Variants in SRGAP3 observed in about 807,000 individuals in gnomAD.
SRGAP3 encodes SLIT-ROBO Rho GTPase-activating protein 3.
A neutral mutation model predicts 121.1 loss-of-function variants in SRGAP3; 39 were observed. The ratio of observed to expected loss-of-function variants is 0.32; its 90% CI spans 0.25 to 0.42. The LOEUF (loss-of-function observed/expected upper bound fraction) is 0.42, where lower values mean the gene tolerates loss of function less well. Among genes scored for constraint, SRGAP3 ranks in the 10% least tolerant of loss-of-function variants. SRGAP3 has a pLI of 1.00. For synonymous variants in SRGAP3, 601 were observed against 570.0 expected (o/e 1.05, Z -0.77); for missense variants, 1,213 against 1,470.6 (o/e 0.82, Z 2.86).
At chr3:9,067,060 G>A (rs949519364) in intron 4 of SRGAP3, among the ~76,000 whole-genome samples, 4 of 152,106 alleles carry the variant, frequency 2.6e-5, no homozygotes, top group African/African-American at 9.7e-5. Context: ...AGCACTAAAT[G>A]AGTTAATTTC....
upstream of SRGAP3, among the ~76,000 whole-genome samples, chr3:9,250,123 G>A: frequency 6.6e-6 from 1 of 152,206 alleles, no homozygotes. Context: ...GAACAGCTGG[G>A]TGGGTCATTG....
At chr3:8,986,155 C>A (rs1210829272) in intron 21 of SRGAP3, among the ~76,000 whole-genome samples, 1 of 152,114 alleles carries the variant, frequency 6.6e-6, no homozygotes, top group Non-Finnish European at 1.5e-5. Flanking sequence ...GCAGGTCAGA[C>A]TACTGATAAA....
At chr3:9,264,652 T>C (rs1954319192) in intron 3 of SRGAP3, among the ~76,000 whole-genome samples, 1 of 152,060 alleles carries the variant, frequency 6.6e-6, no homozygotes, top group Non-Finnish European at 1.5e-5. Flanking sequence ...TACCTAAAAA[T>C]ACAACTTACG....
chr3:9,146,205 C>A (rs1408543249), intron 1 of SRGAP3, among the ~76,000 whole-genome samples: 2 of 152,232 alleles, frequency 1.3e-5, no homozygotes, highest in Non-Finnish European at 2.9e-5. Flanking sequence ...CACGTGTTGA[C>A]TGACAAATCC....
At chr3:9,348,854 C>T (rs182356355) in intron 1 of SRGAP3, 19 of 1,309,754 alleles carry the variant, frequency 1.5e-5, no homozygotes, top group East Asian at 1.4e-4. Flanking sequence ...CAGTAAGGAT[C>T]GCAGGTTTGC....
chr3:9,058,870 C>A (rs1945980061), intron 6 of SRGAP3: 1 of 228,228 alleles, frequency 4.4e-6, no homozygotes, highest in East Asian at 1.0e-4. Flanking sequence ...CAGGTGCCCA[C>A]CACCAAGCCC....
At chr3:9,009,254 C>T (rs1943238311) in intron 18 of SRGAP3, among the ~76,000 whole-genome samples, 1 of 152,178 alleles carries the variant, frequency 6.6e-6, no homozygotes, top group Admixed American at 6.5e-5. Flanking sequence ...GCCCTGCTCT[C>T]CTGACAAATG....
intron 1 of SRGAP3, among the ~76,000 whole-genome samples, chr3:9,216,212 A>C (rs563854814): frequency 9.2e-5 from 14 of 152,252 alleles, no homozygotes; most frequent in African/African-American, 3.4e-4. Flanking sequence ...TCATCTTCTT[A>C]CTTCCACAGA....
chr3:9,324,015 G>A (rs910386371), intron 3 of SRGAP3, among the ~76,000 whole-genome samples: 3 of 151,800 alleles, frequency 2.0e-5, no homozygotes, highest in Non-Finnish European at 4.4e-5. Flanking sequence ...AGACAAAAAA[G>A]GTAAAGTGAC....
At chr3:9,252,529 AGAT>A (rs1954041040), upstream of SRGAP3, among the ~76,000 whole-genome samples, 1 of 152,210 alleles carries the variant, frequency 6.6e-6, no homozygotes, top group South Asian at 2.1e-4. Flanking sequence ...TGGTCTCCAC[AGAT>A]ACCCAGATTG....
intron 3 of SRGAP3, among the ~76,000 whole-genome samples, chr3:9,322,066 G>C (rs1214431598): frequency 6.6e-6 from 1 of 151,714 alleles, no homozygotes; most frequent in Non-Finnish European, 1.5e-5. Context: ...TGATCTTGGA[G>C]ATAAGATACC....
At chr3:9,267,076 G>GTATAAAT (rs1954381584) in intron 3 of SRGAP3, among the ~76,000 whole-genome samples, 1 of 152,176 alleles carries the variant, frequency 6.6e-6, no homozygotes, top group East Asian at 1.9e-4. Context: ...TTGCAAGTAA[G>GTATAAAT]GGTTCCTCCT....
intron 9 of SRGAP3, among the ~76,000 whole-genome samples, chr3:9,051,017 C>CTTTTTTT (rs71049766): frequency 3.7e-5 from 3 of 81,858 alleles, no homozygotes; most frequent in Non-Finnish European, 7.1e-5. Context: ...AGCCTCATTG[C>CTTTTTTT]TTTTTTTTTT....
chr3:9,194,636 A>G (rs977205950), intron 1 of SRGAP3, among the ~76,000 whole-genome samples: 6 of 152,202 alleles, frequency 3.9e-5, no homozygotes, highest in South Asian at 4.1e-4. Flanking sequence ...CCCTATTTTC[A>G]TGGGTGAGAA....
chr3:9,359,671 C>A (rs1461384890), intron 1 of SRGAP3, among the ~76,000 whole-genome samples: 1 of 152,108 alleles, frequency 6.6e-6, no homozygotes, highest in Non-Finnish European at 1.5e-5. Context: ...GCCAAGTAGG[C>A]AGGTGAAAGG....
At chr3:9,306,592 T>C (rs2125276823) in intron 3 of SRGAP3, among the ~76,000 whole-genome samples, 1 of 152,348 alleles carries the variant, frequency 6.6e-6, no homozygotes, top group East Asian at 1.9e-4. Flanking sequence ...AATTTTTGTA[T>C]AAGGTGTTAA....
At chr3:9,044,421 G>A (rs1187567421) in intron 10 of SRGAP3, among the ~76,000 whole-genome samples, 1 of 152,194 alleles carries the variant, frequency 6.6e-6, no homozygotes, top group Non-Finnish European at 1.5e-5. Flanking sequence ...ATGGAGCCGC[G>A]ATGGCGTAAG....
In SRGAP3 at chr3:9,249,014, C is replaced by T; in HGVS notation, c.-63G>A. On this transcript the variant is annotated 5_prime_UTR_variant, in exon 1 of 22. Transcript: ENST00000383836. ...TTTATTTCTCCTTTTCTTTTCGAGT[C>T]CTCTCTCAAGCCCTGGTAATCACAC... 14 of 1,525,698 alleles carry T rather than the reference C, an allele frequency of 9.2e-6. No homozygotes were observed. Among genetic ancestry groups the T allele is most frequent in the Non-Finnish European group, 1.3e-5 (14 of 1,100,336 alleles). 94.5% of individuals were successfully genotyped at this position (1,525,698 alleles called of 1,614,324 possible).
chr3:9,262,429 C>A (rs1475019844), intron 3 of SRGAP3, among the ~76,000 whole-genome samples: 7 of 148,518 alleles, frequency 4.7e-5, no homozygotes, highest in African/African-American at 1.5e-4. Context: ...TGAATAAAGT[C>A]AAGACCCATC....
Sources: allele counts gnomAD v4.1 joint callset (sites outside exome capture counted in the v4.1 genomes callset), GRCh38; gene constraint gnomAD v4.1.1; transcripts MANE v1.5; gene names NCBI Gene and HGNC (gene_info 2026-07-23, HGNC 2026-07-21).